The following YTHDC1 variants were observed in gnomAD, a reference collection of about 807,000 sequenced individuals.
The protein encoded by YTHDC1 is YTH domain-containing protein 1.
YTHDC1 carries 12 observed loss-of-function variants against 107.0 expected under a neutral mutation model. The observed-to-expected ratio is 0.11, with a 90% CI of 0.07 to 0.18. The LOEUF (loss-of-function observed/expected upper bound fraction) is 0.18, where lower values mean the gene tolerates loss of function less well. Among genes scored for constraint, YTHDC1 ranks in the 10% least tolerant of loss-of-function variants. YTHDC1 has a pLI of 1.00. For missense variants in YTHDC1, 635 were observed against 898.8 expected (o/e 0.71, Z 3.75); for synonymous variants, 280 against 289.5 (o/e 0.97, Z 0.33).
At chr4:68,342,865 A>G (rs1724999604) in intron 1 of YTHDC1, among the ~76,000 whole-genome samples, 1 of 150,732 alleles carries the variant, frequency 6.6e-6, no homozygotes, top group Non-Finnish European at 1.5e-5. Context: ...TCTTTTAGAT[A>G]TAAAGTAATA....
chr4:68,314,031 TAA>T lies in YTHDC1; in HGVS notation c.*66_*67del. The T allele has an allele frequency of 6.6e-7, 1 of 1,515,298 alleles. No homozygotes were observed. The allele number at this position is 1,515,298 out of a possible 1,614,324, so 93.9% of individuals were successfully genotyped here. The stretch of plus-strand genomic sequence containing the variant: ...CAGCTGAAAATAAATTTACTACTTG[TAA>T]ACACACACAAAAAAAAAATACAAGA... On this transcript the variant is annotated 3_prime_UTR_variant, in exon 17 of 17. Coordinates refer to ENST00000344157, the MANE Select transcript of YTHDC1 (RefSeq NM_001031732.4).
At chr4:68,334,955 A>G (rs1723992153) in intron 4 of YTHDC1, among the ~76,000 whole-genome samples, 1 of 152,226 alleles carries the variant, frequency 6.6e-6, no homozygotes, top group South Asian at 2.1e-4. Context: ...TTGTTTTTAT[A>G]TAATGCTAAA....
At chr4:68,346,983 T>C (rs1480479824) in intron 1 of YTHDC1, among the ~76,000 whole-genome samples, 1 of 152,226 alleles carries the variant, frequency 6.6e-6, no homozygotes, top group Non-Finnish European at 1.5e-5. Flanking sequence ...AGAACTGTTG[T>C]ATAACTTAAA....
At chr4:68,344,624 C>T (rs1284840960) in intron 1 of YTHDC1, among the ~76,000 whole-genome samples, 2 of 152,072 alleles carry the variant, frequency 1.3e-5, no homozygotes, top group East Asian at 1.9e-4. Context: ...TAGATTCCTC[C>T]GTGAAAGTAT....
chr4:68,319,898 A>T (rs1722260683), intron 12 of YTHDC1, among the ~76,000 whole-genome samples: 1 of 152,134 alleles, frequency 6.6e-6, no homozygotes, highest in Non-Finnish European at 1.5e-5. Context: ...ATTTCAGGTA[A>T]TTCATAGGGT....
intron 7 of YTHDC1, among the ~76,000 whole-genome samples, chr4:68,330,760 T>A (rs561012575): frequency 1.2e-4 from 18 of 152,170 alleles, no homozygotes; most frequent in Non-Finnish European, 2.1e-4. Flanking sequence ...CTATTTAAGT[T>A]CGTTTTTTAA....
chr4:68,330,126 G>A lies in YTHDC1; in HGVS notation c.1232-7C>T. The A allele has an allele frequency of 6.2e-7, 1 of 1,605,860 alleles. No homozygotes were observed. Among genetic ancestry groups the A allele is most frequent in the African/African-American group, 1.3e-5 (1 of 74,822 alleles). The stretch of plus-strand genomic sequence containing the variant: ...GAAGAAAGTCTTGCAAACCCTAAGA[G>A]AATCATATCATAATATAATATGTAG... On this transcript the variant is annotated splice_polypyrimidine_tract_variant and splice_region_variant and intron_variant, in intron 8 of 16. Transcript: ENST00000344157.
rs1442935126 is a variant in YTHDC1 at position 68,314,023 on chromosome 4, A to T, written c.*76T>A. 1.4e-6 allele frequency: 2 copies of T among 1,425,414 alleles called. No homozygotes were observed. The highest frequency in any genetic ancestry group is 2.5e-5 in the South Asian group (2 of 78,690). 88.3% of individuals were successfully genotyped at this position (1,425,414 alleles called of 1,614,324 possible). ...TAGGCAGACAGCTGAAAATAAATTT[A>T]CTACTTGTAAACACACACAAAAAAA... On this transcript the variant is annotated 3_prime_UTR_variant, in exon 17 of 17. Coordinates refer to ENST00000344157, the MANE Select transcript of YTHDC1 (RefSeq NM_001031732.4).
intron 1 of YTHDC1, among the ~76,000 whole-genome samples, chr4:68,343,461 C>CA (rs1399657591): frequency 6.8e-6 from 1 of 148,124 alleles, no homozygotes; most frequent in Non-Finnish European, 1.5e-5. Flanking sequence ...CTTGGCCTCC[C>CA]AAAGTCTTGG....
intron 11 of YTHDC1, among the ~76,000 whole-genome samples, 194 bp from the exon 12 acceptor site, chr4:68,320,399 G>A (rs1405147820): frequency 3.9e-5 from 6 of 151,996 alleles, no homozygotes; most frequent in Non-Finnish European, 8.8e-5. Context: ...AACTTTAAAT[G>A]TACTGCTGGA....
intron 1 of YTHDC1, among the ~76,000 whole-genome samples, chr4:68,349,272 T>C (rs779340561): frequency 2.5e-4 from 38 of 152,236 alleles, no homozygotes; most frequent in Non-Finnish European, 4.3e-4. Flanking sequence ...TCAAGATTAA[T>C]AACCTGCCAG....
intron 1 of YTHDC1, among the ~76,000 whole-genome samples, chr4:68,343,443 C>G (rs988958662): frequency 4.5e-4 from 67 of 150,348 alleles, no homozygotes; most frequent in African/African-American, 1.5e-3. Flanking sequence ...CTCAGGTGAT[C>G]CACCTGCCTT....
intron 1 of YTHDC1, among the ~76,000 whole-genome samples, chr4:68,345,895 A>C (rs1443206532): frequency 6.6e-6 from 1 of 151,976 alleles, no homozygotes; most frequent in African/African-American, 2.4e-5. Flanking sequence ...TCTGTTGCCT[A>C]GGGACAATAG....
chr4:68,343,235 G>A (rs2109742597), intron 1 of YTHDC1, among the ~76,000 whole-genome samples: 1 of 151,814 alleles, frequency 6.6e-6, no homozygotes, highest in Middle Eastern at 3.4e-3. Flanking sequence ...GTCTCTCTCT[G>A]TCACCCAGGC....
chr4:68,333,304 A>G lies in YTHDC1; in HGVS notation c.973+4T>C. 6.2e-7 allele frequency: 1 copy of G among 1,605,440 alleles called. No homozygotes were observed. Among genetic ancestry groups the G allele is most frequent in the South Asian group, 1.1e-5 (1 of 90,188 alleles). ...AGTCAGATATGATCACAAAATGAGAATACCTGCATATGACTCTGATGCAGA... is the reference window on the plus strand; with the variant it reads ...AGTCAGATATGATCACAAAATGAGAGTACCTGCATATGACTCTGATGCAGA... On this transcript the variant is annotated splice_donor_region_variant and intron_variant, in intron 5 of 16. Transcript: ENST00000344157.
intron 2 of YTHDC1, 172 bp downstream of exon 2, chr4:68,338,111 T>C (rs570029530): frequency 1.3e-5 from 12 of 904,174 alleles, no homozygotes; most frequent in African/African-American, 1.3e-4. Context: ...AAGTTTCATA[T>C]ATTAGAAAAA....
chr4:68,349,966 C>A lies in YTHDC1; in HGVS notation c.-213G>T. On this transcript the variant is annotated 5_prime_UTR_variant, in exon 1 of 17. Coordinates refer to ENST00000344157, the MANE Select transcript of YTHDC1 (RefSeq NM_001031732.4). Reference sequence around the variant, plus strand: ...TCACTCCAGCATCCAGCGGCCTAGGCCCAGCCTTCTCGTTAGGGCTCAGAC... The same window carrying A: ...TCACTCCAGCATCCAGCGGCCTAGGACCAGCCTTCTCGTTAGGGCTCAGAC... 3.0e-6 allele frequency: 2 copies of A among 668,316 alleles called. No homozygotes were observed. Among genetic ancestry groups the A allele is most frequent in the Non-Finnish European group, 5.1e-6 (2 of 394,284 alleles). The allele number at this position is 668,316 out of a possible 1,614,324, so 41.4% of individuals were successfully genotyped here.
chr4:68,342,121 G>A (rs990507213), intron 1 of YTHDC1, among the ~76,000 whole-genome samples: 11 of 152,148 alleles, frequency 7.2e-5, no homozygotes, highest in African/African-American at 2.4e-4. Context: ...TGTATAAGAT[G>A]ATCACCCTAA....
chr4:68,349,573 G>A (rs983181063), intron 1 of YTHDC1, among the ~76,000 whole-genome samples, 153 bp downstream of exon 1: 1 of 152,088 alleles, frequency 6.6e-6, no homozygotes, highest in Non-Finnish European at 1.5e-5. Flanking sequence ...GTCTCCGCCA[G>A]AGTCTAAGTG....
Sources: allele counts gnomAD v4.1 joint callset (sites outside exome capture counted in the v4.1 genomes callset), GRCh38; gene constraint gnomAD v4.1.1; transcripts MANE v1.5; gene names NCBI Gene and HGNC (gene_info 2026-07-23, HGNC 2026-07-21).